PRUNE2: variants seen among roughly 807,000 people sequenced by gnomAD.
The protein encoded by PRUNE2 is prune homolog 2 with BCH domain.
PRUNE2 carries 164 observed loss-of-function variants against 252.0 expected under a neutral mutation model. The ratio of observed to expected loss-of-function variants is 0.65; its 90% CI spans 0.57 to 0.74. The LOEUF (loss-of-function observed/expected upper bound fraction) is 0.74. Among genes scored for constraint, PRUNE2 ranks in the 30% least tolerant of loss-of-function variants. The pLI is 0.00. For missense variants in PRUNE2, 3,495 were observed against 3,711.0 expected (o/e 0.94, Z 1.51); for synonymous variants, 1,292 against 1,350.2 (o/e 0.96, Z 0.94).
chr9:76,794,388 A>G (rs1354514837), intron 6 of PRUNE2, among the ~76,000 whole-genome samples: 2 of 152,124 alleles, frequency 1.3e-5, no homozygotes, highest in African/African-American at 4.8e-5. Flanking sequence ...AGTCTGAGGC[A>G]GGGGGATCAC....
intron 9 of PRUNE2, among the ~76,000 whole-genome samples, chr9:76,668,187 G>C (rs888138836): frequency 6.6e-6 from 1 of 152,114 alleles, no homozygotes; most frequent in African/African-American, 2.4e-5. Flanking sequence ...AGAATATATA[G>C]TGCAGAATAC....
intron 6 of PRUNE2, among the ~76,000 whole-genome samples, chr9:76,724,813 G>C (rs2047968031): frequency 6.6e-6 from 1 of 152,164 alleles, no homozygotes. Flanking sequence ...ATGGACTTAA[G>C]TGCTTGGCAA....
intron 9 of PRUNE2, among the ~76,000 whole-genome samples, chr9:76,697,393 T>C (rs1175548494): frequency 6.6e-6 from 1 of 152,202 alleles, no homozygotes; most frequent in Non-Finnish European, 1.5e-5. Context: ...GGGGCTTTGA[T>C]GCTCTCCCTT....
intron 6 of PRUNE2, among the ~76,000 whole-genome samples, chr9:76,780,174 T>A (rs1024580028): frequency 6.6e-6 from 1 of 152,224 alleles, no homozygotes; most frequent in African/African-American, 2.4e-5. Flanking sequence ...ACATATTTTT[T>A]AAAACTGGTT....
chr9:76,645,525 T>C (rs1844451889), intron 11 of PRUNE2, among the ~76,000 whole-genome samples: 2 of 151,854 alleles, frequency 1.3e-5, no homozygotes, highest in African/African-American at 4.8e-5. Context: ...ACAAACAACT[T>C]TGTAGACCAG....
At chr9:76,690,389 C>T (rs677061) in intron 9 of PRUNE2, among the ~76,000 whole-genome samples, 1 of 151,996 alleles carries the variant, frequency 6.6e-6, no homozygotes. Context: ...AGGAAAAAAA[C>T]CCAGCTTTTA....
Position 76,614,438 on chromosome 9 carries a change from C to T in PRUNE2, c.*132G>A. ...AGAGTAAACAAACTTTCTATTTTTC[C>T]CCTTAGAAATTTAGAATGGCACCAG... On this transcript the variant is annotated 3_prime_UTR_variant, in exon 19 of 19. Transcript: ENST00000376718. The T allele has an allele frequency of 2.7e-6, 2 of 735,514 alleles. No homozygotes were observed. Among genetic ancestry groups the T allele is most frequent in the Non-Finnish European group, 4.7e-6 (2 of 428,304 alleles). 45.6% of individuals were successfully genotyped at this position (735,514 alleles called of 1,614,324 possible).
At chr9:76,648,293 C>A (rs1436745614) in intron 11 of PRUNE2, among the ~76,000 whole-genome samples, 1 of 152,166 alleles carries the variant, frequency 6.6e-6, no homozygotes, top group Non-Finnish European at 1.5e-5. Flanking sequence ...TCTTACCTTA[C>A]AATCTAGCCA....
chr9:76,703,554 C>G lies in PRUNE2; in HGVS notation c.8059G>C (p.Ala2687Pro), dbSNP rs191197846. Reference protein sequence around the residue: ...LEEMKPLESLALEEASGPVSQ... With the variant: ...LEEMKPLESLPLEEASGPVSQ... ...ACTGGACCAGAGGCTTCCTCTAGTGCCAAAGATTCTAGAGGCTTCATTTCT... is the reference window on the plus strand; with the variant it reads ...ACTGGACCAGAGGCTTCCTCTAGTGGCAAAGATTCTAGAGGCTTCATTTCT... Residue 2687 changes from alanine to proline, a missense_variant, in exon 9 of 19, where the codon GCA (alanine) becomes CCA (proline). Coordinates refer to ENST00000376718, the MANE Select transcript of PRUNE2 (RefSeq NM_015225.3). The G allele has an allele frequency of 5.6e-5, 90 of 1,613,712 alleles. No individual in the cohort carries two copies. The East Asian group carries it at 1.7e-3, about 30-fold the overall frequency.
intron 6 of PRUNE2, among the ~76,000 whole-genome samples, chr9:76,816,692 A>G (rs573603437): frequency 2.4e-4 from 36 of 152,342 alleles, no homozygotes; most frequent in African/African-American, 8.7e-4. Context: ...TGGAGTTACT[A>G]TAGTGCTCAA....
chr9:76,651,874 G>C (rs781602855), intron 11 of PRUNE2: 3 of 152,180 alleles, frequency 2.0e-5, no homozygotes, highest in Non-Finnish European at 2.9e-5. Flanking sequence ...AGACAATAAA[G>C]ATGCAAACAA....
chr9:76,803,910 G>A (rs116475685), intron 6 of PRUNE2, among the ~76,000 whole-genome samples: 1,754 of 152,108 alleles, frequency 0.012, 29 homozygotes, highest in African/African-American at 0.038. Context: ...CCTATCTTCC[G>A]TCTCCCCTGG....
chr9:76,804,308 G>A (rs192918660), intron 6 of PRUNE2, among the ~76,000 whole-genome samples: 10 of 152,282 alleles, frequency 6.6e-5, no homozygotes, highest in African/African-American at 2.4e-5. Context: ...TCGGTTGACC[G>A]ATTGATGCCC....
chr9:76,661,664 A>G (rs1461570185), intron 9 of PRUNE2, among the ~76,000 whole-genome samples: 1 of 152,248 alleles, frequency 6.6e-6, no homozygotes, highest in Non-Finnish European at 1.5e-5. Context: ...TTGAGAGCCA[A>G]TGTGTTCTTA....
At chr9:76,811,530 T>C (rs978486597) in intron 6 of PRUNE2, among the ~76,000 whole-genome samples, 1 of 152,196 alleles carries the variant, frequency 6.6e-6, no homozygotes, top group African/African-American at 2.4e-5. Context: ...TGCTGAACTC[T>C]GCCAGTGTCG....
intron 9 of PRUNE2, among the ~76,000 whole-genome samples, chr9:76,697,862 T>C (rs1179794241): frequency 1.3e-5 from 2 of 152,150 alleles, no homozygotes; most frequent in East Asian, 1.9e-4. Flanking sequence ...ATCTCAAGTG[T>C]CATTTGGGTG....
intron 9 of PRUNE2, among the ~76,000 whole-genome samples, chr9:76,685,350 C>T (rs1023715382): frequency 2.0e-5 from 3 of 152,106 alleles, no homozygotes; most frequent in African/African-American, 7.2e-5. Context: ...GGGTTGGGGG[C>T]CTGTCACCAA....
chr9:76,846,524 G>A lies in PRUNE2; in HGVS notation c.499C>T (p.Arg167Cys), dbSNP rs149982700. The A allele has an allele frequency of 4.3e-6, 7 of 1,613,262 alleles. No homozygotes were observed. The highest frequency in any genetic ancestry group is 5.9e-6 in the Non-Finnish European group (7 of 1,179,492). ...AAGAGCCATCTCTCACCTCTGAGGC[G>A]ATGAGCCAGTTGCTCGGTGATGAGC... ...PELITEQLAH[R>C]LRGSILFKWM... Residue 167 changes from arginine to cysteine, a missense_variant, in exon 4 of 19, where the codon CGC becomes TGC. Physicochemically the swap from Arg to Cys is radical, Grantham distance 180 (BLOSUM62 -3). Coordinates refer to ENST00000376718, the MANE Select transcript of PRUNE2 (RefSeq NM_015225.3).
Position 76,707,639 on chromosome 9 carries a change from T to A in PRUNE2, c.4635A>T (p.Ala1545=). ...AAGAGTCATTTAACTCAGGACTTGA[T>A]GCACTTGAATGAGTATACTCACTAG... is the stretch of plus-strand genomic sequence containing the variant. ...TISSEYTHSS[A]SSPELNDSSV... The change falls in exon 8 of 19, where the codon GCA becomes GCT. Residue 1545 remains alanine (A), a synonymous_variant. Coordinates refer to ENST00000376718, the MANE Select transcript of PRUNE2 (RefSeq NM_015225.3). 6.2e-7 allele frequency: 1 copy of A among 1,613,908 alleles called. No individual in the cohort carries two copies. Among genetic ancestry groups the A allele is most frequent in the Non-Finnish European group, 8.5e-7 (1 of 1,179,850 alleles).
Sources: gnomAD v4.1 joint callset for allele counts (sites outside exome capture counted in the v4.1 genomes callset) on GRCh38, gnomAD v4.1.1 for gene constraint, MANE v1.5 for transcripts, NCBI Gene and HGNC (gene_info 2026-07-23, HGNC 2026-07-21) for gene names.